The following ALDOA variants were observed in gnomAD, a reference collection of about 807,000 sequenced individuals.
The protein encoded by ALDOA is aldolase, fructose-bisphosphate A, also known as fructose-bisphosphate aldolase A.
ALDOA carries 26 observed loss-of-function variants against 43.9 expected under a neutral mutation model. The ratio of observed to expected loss-of-function variants is 0.59; its 90% CI spans 0.43 to 0.82. The LOEUF (loss-of-function observed/expected upper bound fraction) is 0.82, where lower values mean the gene tolerates loss of function less well. Among genes scored for constraint, ALDOA ranks in the 40% least tolerant of loss-of-function variants. ALDOA has a pLI of 0.00. For synonymous variants in ALDOA, 258 were observed against 222.6 expected (o/e 1.16, Z -1.42); for missense variants, 498 against 549.5 (o/e 0.91, Z 0.94).
chr16:30,068,356 G>C, intron 4 of ALDOA: 1 of 418,472 alleles, frequency 2.4e-6, no homozygotes, highest in South Asian at 2.0e-5. Flanking sequence ...GAGCCACCAT[G>C]CCCGGCTTAA....
chr16:30,066,882 C>T lies in ALDOA; in HGVS notation c.-13-3C>T. 6.5e-7 allele frequency: 1 copy of T among 1,547,334 alleles called. No homozygotes were observed. The highest frequency in any genetic ancestry group is 8.7e-7 in the Non-Finnish European group (1 of 1,145,176). Reference sequence around the variant, plus strand: ...AAATACTCCGGTTCGGTTTTGTTTTCAGGCAAGGTGACCCCATGGCAAGGC... The same window carrying T: ...AAATACTCCGGTTCGGTTTTGTTTTTAGGCAAGGTGACCCCATGGCAAGGC... On this transcript the variant is annotated splice_polypyrimidine_tract_variant and splice_region_variant and intron_variant, in intron 1 of 9. Transcript: ENST00000642816.
chr16:30,067,666 G>A lies in ALDOA; in HGVS notation c.486+5G>A. Reference sequence around the variant, plus strand: ...GGCGGTGTTGTGGGCATCAAGGTAAGGGGAGGGCCTCCGGACGTGAGGTTT... The same window carrying A: ...GGCGGTGTTGTGGGCATCAAGGTAAAGGGAGGGCCTCCGGACGTGAGGTTT... On this transcript the variant is annotated splice_donor_5th_base_variant and intron_variant, in intron 4 of 9. Transcript: ENST00000642816. 1 of 1,614,090 alleles carries A rather than the reference G, an allele frequency of 6.2e-7. No individual in the cohort carries two copies.
chr16:30,068,987 G>T lies in ALDOA; in HGVS notation c.702+9G>T. 6.2e-7 allele frequency: 1 copy of T among 1,614,198 alleles called. No individual in the cohort carries two copies. The highest frequency in any genetic ancestry group is 8.5e-7 in the Non-Finnish European group (1 of 1,180,042). The stretch of plus-strand genomic sequence containing the variant: ...CCAGTATCTGCCAGCAGGTGGGCCT[G>T]CAGGTCCTCAATAGGCAACCTCCTA... On this transcript the variant is annotated intron_variant, in intron 6 of 9. Coordinates refer to ENST00000642816, the MANE Select transcript of ALDOA (RefSeq NM_001243177.4).
intron 4 of ALDOA, chr16:30,068,363 T>C: frequency 2.3e-6 from 1 of 440,318 alleles, no homozygotes. Context: ...CATGCCCGGC[T>C]TAAGTAACTA....
rs768645961 is a variant in ALDOA at position 30,068,775 on chromosome 16, A to G, written c.542-43A>G. 7 of 1,614,098 alleles carry G rather than the reference A, an allele frequency of 4.3e-6. No individual in the cohort carries two copies. In the South Asian group the frequency reaches 4.4e-5, roughly 10 times the overall value. On this transcript the variant is annotated intron_variant, in intron 5 of 9. Coordinates refer to ENST00000642816, the MANE Select transcript of ALDOA (RefSeq NM_001243177.4). Reference sequence around the variant, plus strand: ...GGGTGCTGGGAGGAGTGGAAACCACATGCCCCTCCCCACCGTGCTCTGACC... The same window carrying G: ...GGGTGCTGGGAGGAGTGGAAACCACGTGCCCCTCCCCACCGTGCTCTGACC...
rs200278984 is a variant in ALDOA at position 30,067,370 on chromosome 16, C to T, written c.274+4C>T. 636 of 1,613,998 alleles carry T rather than the reference C, an allele frequency of 3.9e-4. 1 individual carries two copies. The African/African-American group carries it at 6.1e-3, about 15-fold the overall frequency. ...CTGGCTGCAGATGAGTCCACTGGTG[C>T]GGGCAGGAGACAGAATGGGTGGAGG... On this transcript the variant is annotated splice_donor_region_variant and intron_variant, in intron 3 of 9. Transcript: ENST00000642816.
chr16:30,066,648 A>G (rs1301468023), intron 1 of ALDOA, among the ~76,000 whole-genome samples: 2 of 151,718 alleles, frequency 1.3e-5, no homozygotes, highest in Non-Finnish European at 2.9e-5. Flanking sequence ...TGACCTTGGG[A>G]TGTCCTTGAA....
At chr16:30,066,024 C>G (rs1311257116) in intron 1 of ALDOA, 97 bp downstream of exon 1, 1 of 152,998 alleles carries the variant, frequency 6.5e-6, no homozygotes, top group Non-Finnish European at 1.5e-5. Context: ...CTCCCCCATC[C>G]CATGCCAGCG....
chr16:30,067,383 G>C lies in ALDOA; in HGVS notation c.274+17G>C. 4 of 1,614,110 alleles carry C rather than the reference G, an allele frequency of 2.5e-6. No homozygotes were observed. Among genetic ancestry groups the C allele is most frequent in the Non-Finnish European group, 2.5e-6 (3 of 1,180,024 alleles). ...AGTCCACTGGTGCGGGCAGGAGACAGAATGGGTGGAGGGTGCAGGGTTGGG... is the reference window on the plus strand; with the variant it reads ...AGTCCACTGGTGCGGGCAGGAGACACAATGGGTGGAGGGTGCAGGGTTGGG... On this transcript the variant is annotated intron_variant, in intron 3 of 9. Transcript: ENST00000642816.
In ALDOA at chr16:30,070,214, C is replaced by T. The variant is rs758000649; in HGVS notation, c.*2C>T. The T allele has an allele frequency of 1.8e-5, 29 of 1,613,956 alleles. No homozygotes were observed. In the Admixed American group the frequency reaches 2.3e-4, roughly 13 times the overall value. The stretch of plus-strand genomic sequence containing the variant: ...TTCGTCTCTAACCACGCCTATTAAG[C>T]GGAGGTGTTCCCAGGCTGCCCCCAA... On this transcript the variant is annotated 3_prime_UTR_variant, in exon 10 of 10. Transcript: ENST00000642816.
chr16:30,069,734 C>T, intron 8 of ALDOA, 61 bp downstream of exon 8: 2 of 1,611,142 alleles, frequency 1.2e-6, no homozygotes, highest in Admixed American at 1.7e-5. Context: ...CAACCCTATG[C>T]CCATTTGGAC....
At chr16:30,066,313 G>T (rs939608648) in intron 1 of ALDOA, 4 of 152,522 alleles carry the variant, frequency 2.6e-5, no homozygotes, top group African/African-American at 9.6e-5. Context: ...CCTGGGAAAC[G>T]GGGCGCCCTT....
chr16:30,069,650 G>A lies in ALDOA; in HGVS notation c.938G>A (p.Arg313His), dbSNP rs750880048. The change falls in exon 8 of 10, where the codon CGC becomes CAC. Residue 313 changes from arginine to histidine, a missense_variant. Coordinates refer to ENST00000642816, the MANE Select transcript of ALDOA (RefSeq NM_001243177.4). ...IAMATVTALR[R>H]TVPPAVTGIT... Reference sequence around the variant, plus strand: ...ATGGCGACCGTCACAGCGCTGCGCCGCACAGTGCCCCCCGCTGTCACTGGT... The same window carrying A: ...ATGGCGACCGTCACAGCGCTGCGCCACACAGTGCCCCCCGCTGTCACTGGT... 2.2e-5 allele frequency: 35 copies of A among 1,613,426 alleles called. No homozygotes were observed. Among genetic ancestry groups the A allele is most frequent in the East Asian group, 8.9e-5 (4 of 44,888 alleles).
chr16:30,069,535 C>T lies in ALDOA; in HGVS notation c.823C>T (p.His275Tyr). 6.2e-7 allele frequency: 1 copy of T among 1,614,144 alleles called. No homozygotes were observed. The highest frequency in any genetic ancestry group is 8.5e-7 in the Non-Finnish European group (1 of 1,180,032). ...TGTCTACAAGGCTCTGAGTGACCACCACATCTACCTGGAAGGCACCTTGCT... is the reference window on the plus strand; with the variant it reads ...TGTCTACAAGGCTCTGAGTGACCACTACATCTACCTGGAAGGCACCTTGCT... ...AAVYKALSDH[H>Y]IYLEGTLLKP... Residue 275 changes from histidine to tyrosine, a missense_variant, in exon 8 of 10, where the codon CAC becomes TAC. Physicochemically the swap from His to Tyr is moderately conservative, Grantham distance 83 (BLOSUM62 2). Coordinates refer to ENST00000642816, the MANE Select transcript of ALDOA (RefSeq NM_001243177.4).
chr16:30,066,521 TCCTCG>T (rs1361127787), intron 1 of ALDOA, among the ~76,000 whole-genome samples: 1 of 152,250 alleles, frequency 6.6e-6, no homozygotes, highest in East Asian at 1.9e-4. Flanking sequence ...CTTACCGCTT[TCCTCG>T]CCTCGGGCTA....
In ALDOA at chr16:30,069,634, G is replaced by C; in HGVS notation, c.922G>C (p.Val308Leu). 6.2e-7 allele frequency: 1 copy of C among 1,613,804 alleles called. No individual in the cohort carries two copies. The highest frequency in any genetic ancestry group is 8.5e-7 in the Non-Finnish European group (1 of 1,180,020). ...TCATGAGGAGATTGCCATGGCGACCGTCACAGCGCTGCGCCGCACAGTGCC... is the reference window on the plus strand; with the variant it reads ...TCATGAGGAGATTGCCATGGCGACCCTCACAGCGCTGCGCCGCACAGTGCC... Reference protein sequence around the residue: ...FSHEEIAMATVTALRRTVPPA... With the variant: ...FSHEEIAMATLTALRRTVPPA... The change falls in exon 8 of 10, where the codon GTC becomes CTC. Residue 308 changes from valine (V) to leucine (L), a missense_variant. By Grantham distance (32) the Val-to-Leu change is conservative (BLOSUM62 1). Coordinates refer to ENST00000642816, the MANE Select transcript of ALDOA (RefSeq NM_001243177.4).
At position 30,069,961 on chromosome 16, in the gene ALDOA, C is replaced by G. The variant is rs1342918648; in HGVS notation, c.1093C>G (p.Leu365Val). ...SYGRALQASA[L>V]KAWGGKKENL... Reference sequence around the variant, plus strand: ...CGGCCGAGCCCTGCAGGCCTCTGCCCTGAAGGCCTGGGGCGGGAAGAAGGA... The same window carrying G: ...CGGCCGAGCCCTGCAGGCCTCTGCCGTGAAGGCCTGGGGCGGGAAGAAGGA... Residue 365 changes from leucine to valine, a missense_variant, in exon 9 of 10, where the codon CTG becomes GTG. Leu to Val is a conservative substitution (Grantham distance 32). Coordinates refer to ENST00000642816, the MANE Select transcript of ALDOA (RefSeq NM_001243177.4). The G allele has an allele frequency of 1.2e-6, 2 of 1,614,008 alleles. No homozygotes were observed. The highest frequency in any genetic ancestry group is 1.7e-6 in the Non-Finnish European group (2 of 1,180,020).
At chr16:30,069,429 C>T (rs540258225) in intron 7 of ALDOA, 40 bp downstream of exon 7, 10 of 1,613,928 alleles carry the variant, frequency 6.2e-6, no homozygotes, top group East Asian at 2.2e-5. Flanking sequence ...GGTGGCTGGC[C>T]GGGGACCCTG....
chr16:30,070,017 C>G lies in ALDOA; in HGVS notation c.1149C>G (p.Val383=). 4 of 1,613,780 alleles carry G rather than the reference C, an allele frequency of 2.5e-6. No individual in the cohort carries two copies. The highest frequency in any genetic ancestry group is 3.4e-6 in the Non-Finnish European group (4 of 1,180,010). ...ENLKAAQEEY[V]KRALANSLAC... ...TGAAGGCTGCGCAGGAGGAGTATGT[C>G]AAGCGAGCCCTGGTAAGGATAGGCA... Residue 383 remains valine, a synonymous_variant, in exon 9 of 10, where the codon GTC becomes GTG. Transcript: ENST00000642816.
Sources: gnomAD v4.1 joint callset for allele counts (sites outside exome capture counted in the v4.1 genomes callset) on GRCh38, gnomAD v4.1.1 for gene constraint, MANE v1.5 for transcripts, NCBI Gene and HGNC (gene_info 2026-07-23, HGNC 2026-07-21) for gene names.